Variants in SSBP2 observed in about 807,000 individuals in gnomAD.
SSBP2 encodes the protein single stranded DNA binding protein 2.
In SSBP2, 17 loss-of-function variants were observed where a neutral mutation model predicts 61.8. That is an observed-to-expected ratio of 0.28 (90% CI 0.19 to 0.41). The LOEUF (loss-of-function observed/expected upper bound fraction) is 0.41, where lower values mean the gene tolerates loss of function less well. SSBP2 is among the 10% of genes least tolerant of loss of function. SSBP2 has a pLI of 1.00. For synonymous variants in SSBP2, 139 were observed against 141.3 expected (o/e 0.98, Z 0.12); for missense variants, 310 against 458.7 (o/e 0.68, Z 2.96).
In SSBP2 at chr5:81,678,163, T is replaced by C. The variant is rs1464459086; in HGVS notation, c.63-27824A>G. Among the ~76,000 whole-genome samples the C allele has an allele frequency of 3.5e-4, 53 of 152,094 alleles. 1 individual carries two copies. Among genetic ancestry groups the C allele is most frequent in the Admixed American group, 3.5e-3 (53 of 15,254 alleles). On this transcript the variant is annotated intron_variant, in intron 1 of 16. Coordinates refer to ENST00000320672, the MANE Select transcript of SSBP2 (RefSeq NM_012446.5). ...TATGCTAAGGCTTTAATGAAAAAAG[T>C]AGACAATATGCAAGGACAGATGGAT...
chr5:81,640,893 C>T (rs990681890), intron 2 of SSBP2, among the ~76,000 whole-genome samples: 15 of 152,332 alleles, frequency 9.8e-5, no homozygotes, highest in Middle Eastern at 3.4e-3. Context: ...CCCTCACCAA[C>T]GTACTCAGAC....
At chr5:81,597,622 C>T (rs962345601) in intron 4 of SSBP2, among the ~76,000 whole-genome samples, 13 of 152,154 alleles carry the variant, frequency 8.5e-5, no homozygotes, top group South Asian at 4.1e-4. Flanking sequence ...TGTCCAACAA[C>T]GATGGACTGG....
At chr5:81,440,219 C>G (rs1472692759) in intron 14 of SSBP2, among the ~76,000 whole-genome samples, 1 of 152,008 alleles carries the variant, frequency 6.6e-6, no homozygotes, top group Non-Finnish European at 1.5e-5. Flanking sequence ...ATAACAACAA[C>G]AACAAACAGC....
intron 4 of SSBP2, among the ~76,000 whole-genome samples, chr5:81,537,647 G>C (rs558900538): frequency 6.6e-6 from 1 of 152,244 alleles, no homozygotes; most frequent in African/African-American, 2.4e-5. Context: ...GGTAATTCTT[G>C]TAATACTTTA....
intron 4 of SSBP2, among the ~76,000 whole-genome samples, chr5:81,549,968 A>G (rs1772045984): frequency 6.6e-6 from 1 of 152,128 alleles, no homozygotes; most frequent in Admixed American, 6.5e-5. Flanking sequence ...TTCTAATAGC[A>G]GTCTTCTTTT....
intron 1 of SSBP2, among the ~76,000 whole-genome samples, chr5:81,733,874 T>C (rs1432656498): frequency 6.6e-6 from 1 of 152,150 alleles, no homozygotes; most frequent in Non-Finnish European, 1.5e-5. Flanking sequence ...AATAGTTAAA[T>C]GTCCATGCAT....
chr5:81,731,957 A>G (rs1275610468), intron 1 of SSBP2, among the ~76,000 whole-genome samples: 1 of 152,000 alleles, frequency 6.6e-6, no homozygotes, highest in Non-Finnish European at 1.5e-5. Flanking sequence ...CAGTGCATTG[A>G]GGCACTGGAT....
At chr5:81,643,843 T>A (rs1749029230) in intron 2 of SSBP2, among the ~76,000 whole-genome samples, 1 of 152,116 alleles carries the variant, frequency 6.6e-6, no homozygotes, top group African/African-American at 2.4e-5. Flanking sequence ...CCTCATGCAA[T>A]CTGCCCGCGT....
At chr5:81,603,008 T>C (rs770803794) in intron 4 of SSBP2, among the ~76,000 whole-genome samples, 4 of 152,200 alleles carry the variant, frequency 2.6e-5, no homozygotes, top group East Asian at 1.9e-4. Context: ...CCATGCACTT[T>C]AGGTTTTGTT....
At chr5:81,699,094 T>C (rs992756090) in intron 1 of SSBP2, among the ~76,000 whole-genome samples, 4 of 152,216 alleles carry the variant, frequency 2.6e-5, no homozygotes, top group South Asian at 2.1e-4. Flanking sequence ...GCATTATGTC[T>C]AAAAAATGTA....
At chr5:81,590,298 A>G (rs974150782) in intron 4 of SSBP2, among the ~76,000 whole-genome samples, 1 of 152,230 alleles carries the variant, frequency 6.6e-6, no homozygotes, top group Admixed American at 6.5e-5. Flanking sequence ...GTTTAATAGT[A>G]TGATTATATA....
chr5:81,488,047 ATATATATAT>A (rs1766548362), intron 6 of SSBP2, among the ~76,000 whole-genome samples: 1 of 46,150 alleles, frequency 2.2e-5, no homozygotes, highest in African/African-American at 1.5e-4. Context: ...ATATATATAT[ATATATATAT>A]ATAAATAAAA....
chr5:81,585,386 T>A lies in SSBP2; in HGVS notation c.282+30087A>T, dbSNP rs565125560. Among the ~76,000 whole-genome samples the A allele has an allele frequency of 7.2e-5, 11 of 152,236 alleles. No individual in the cohort carries two copies. The East Asian group carries it at 1.9e-3, about 27-fold the overall frequency. On this transcript the variant is annotated intron_variant, in intron 4 of 16. Coordinates refer to ENST00000320672, the MANE Select transcript of SSBP2 (RefSeq NM_012446.5). The stretch of plus-strand genomic sequence containing the variant: ...ACTGAATTTAAGATAATCCTAGATA[T>A]AAGATATAAGCTAAATCTAGGTCTT...
At position 81,658,391 on chromosome 5, in the gene SSBP2, C is replaced by T. The variant is rs532659545; in HGVS notation, c.63-8052G>A. On this transcript the variant is annotated intron_variant, in intron 1 of 16. Coordinates refer to ENST00000320672, the MANE Select transcript of SSBP2 (RefSeq NM_012446.5). ...GTATCCACGGGGATTGACTCCAATACCCCCACAGACACCAAAATCCACAGA... is the reference window on the plus strand; with the variant it reads ...GTATCCACGGGGATTGACTCCAATATCCCCACAGACACCAAAATCCACAGA... Among the ~76,000 whole-genome samples the T allele has an allele frequency of 3.3e-5, 5 of 152,186 alleles. No homozygotes were observed. In the South Asian group the frequency reaches 1.0e-3, roughly 32 times the overall value.
chr5:81,713,336 T>TC (rs1754927187), intron 1 of SSBP2, among the ~76,000 whole-genome samples: 1 of 150,756 alleles, frequency 6.6e-6, no homozygotes, highest in Non-Finnish European at 1.5e-5. Context: ...GGAACACCCC[T>TC]CCCCAACCCC....
intron 4 of SSBP2, among the ~76,000 whole-genome samples, chr5:81,585,337 T>C (rs1315900089): frequency 6.6e-6 from 1 of 152,128 alleles, no homozygotes; most frequent in African/African-American, 2.4e-5. Context: ...ATTCAATCTA[T>C]TCTCATTTCT....
Position 81,413,303 on chromosome 5 carries a change from A to C in SSBP2, c.*7201T>G, listed in dbSNP as rs1330637749. 6.6e-6 allele frequency: 1 copy of C among 152,236 alleles called. No homozygotes were observed. Among genetic ancestry groups the C allele is most frequent in the Non-Finnish European group, 1.5e-5 (1 of 68,034 alleles). 9.4% of individuals were successfully genotyped at this position (152,236 alleles called of 1,614,324 possible). A position where few individuals can be genotyped will look rare whatever the true frequency, so the allele number is the denominator to read the frequency against. Reference sequence around the variant, plus strand: ...AATGTGCACATGCACGCACACACACATACACGAACACACATACACAGATGC... The same window carrying C: ...AATGTGCACATGCACGCACACACACCTACACGAACACACATACACAGATGC... On this transcript the variant is annotated 3_prime_UTR_variant, in exon 17 of 17. Transcript: ENST00000320672.
Position 81,513,714 on chromosome 5 carries a change from C to T in SSBP2, c.286G>A (p.Ala96Thr). 6.2e-7 allele frequency: 1 copy of T among 1,609,628 alleles called. No individual in the cohort carries two copies. ...AGCACTGGACTGGGAGCTGCTGCAGCACTCTGCAAAGAATAAAGGAGAAAC... is the reference window on the plus strand; with the variant it reads ...AGCACTGGACTGGGAGCTGCTGCAGTACTCTGCAAAGAATAAAGGAGAAAC... The change falls in exon 5 of 17, where the codon GCT becomes ACT. Residue 96 changes from alanine (A) to threonine (T), a missense_variant. Physicochemically the swap from Ala to Thr is moderately conservative, Grantham distance 58 (BLOSUM62 0). Coordinates refer to ENST00000320672, the MANE Select transcript of SSBP2 (RefSeq NM_012446.5).
chr5:81,566,946 A>G (rs112412550), intron 4 of SSBP2, among the ~76,000 whole-genome samples: 1 of 152,224 alleles, frequency 6.6e-6, no homozygotes, highest in African/African-American at 2.4e-5. Flanking sequence ...TATCTGACAG[A>G]AGAAATTCCT....
Sources: gnomAD v4.1 joint callset for allele counts (sites outside exome capture counted in the v4.1 genomes callset) on GRCh38, gnomAD v4.1.1 for gene constraint, MANE v1.5 for transcripts, NCBI Gene and HGNC (gene_info 2026-07-23, HGNC 2026-07-21) for gene names.